The following SMPX variants were observed in gnomAD, a reference collection of about 807,000 sequenced individuals.
SMPX encodes small muscle protein X-linked, also known as small muscular protein.
Under a neutral mutation model 6.3 loss-of-function variants are expected in SMPX, and 2 were observed. That is an observed-to-expected ratio of 0.32 (90% CI 0.13 to 0.99). The LOEUF (loss-of-function observed/expected upper bound fraction) is 0.99. SMPX is among the 50% of genes least tolerant of loss of function. The pLI is 0.49. For synonymous variants in SMPX, 32 were observed against 24.7 expected, an observed-to-expected ratio of 1.30 and a Z score of -0.88; for missense variants, 60 against 66.8, an observed-to-expected ratio of 0.90 and a Z score of 0.36.
At chrX:21,716,359 A>C (rs2092785134) in intron 4 of SMPX, among the ~76,000 whole-genome samples, 1 of 111,878 alleles carries the variant, frequency 8.9e-6, no homozygotes, top group African/African-American at 3.3e-5. Flanking sequence ...GCAATCAACA[A>C]ATGTTTCCTG....
chrX:21,754,487 A>G (rs914142249), intron 1 of SMPX, among the ~76,000 whole-genome samples, 185 bp from the exon 2 acceptor site: 3 of 111,709 alleles, frequency 2.7e-5, no homozygotes, highest in African/African-American at 9.8e-5. Context: ...AGGGAACACT[A>G]GAGCACCAGG....
chrX:21,726,672 C>A (rs757633212), intron 4 of SMPX, among the ~76,000 whole-genome samples: 2 of 111,954 alleles, frequency 1.8e-5, no homozygotes, highest in Non-Finnish European at 3.8e-5. Context: ...TCTCAAGCCC[C>A]TGAATGCCAA....
chrX:21,733,884 C>T (rs2092807728), intron 4 of SMPX: 2 of 238,992 alleles, frequency 8.4e-6, no homozygotes, highest in Non-Finnish European at 1.6e-5. Context: ...ATTAACAATA[C>T]CCTGGACACT....
chrX:21,744,123 C>T (rs1460989334), intron 2 of SMPX, among the ~76,000 whole-genome samples: 3 of 111,870 alleles, frequency 2.7e-5, no homozygotes, highest in Non-Finnish European at 3.8e-5. Context: ...ACAGTTTGTT[C>T]TGGCTGTTGC....
chrX:21,714,207 T>G (rs1317545561), intron 4 of SMPX, among the ~76,000 whole-genome samples: 1 of 112,084 alleles, frequency 8.9e-6, no homozygotes, highest in African/African-American at 3.2e-5. Flanking sequence ...TAAGCAAAGA[T>G]AAACCACCTT....
chrX:21,718,725 C>G (rs1005668072), intron 4 of SMPX, among the ~76,000 whole-genome samples: 2 of 111,617 alleles, frequency 1.8e-5, no homozygotes, highest in South Asian at 3.8e-4. Context: ...TAAATAAAGC[C>G]CTGCTATAAA....
chrX:21,715,080 A>G (rs1207391445), intron 4 of SMPX, among the ~76,000 whole-genome samples: 2 of 111,675 alleles, frequency 1.8e-5, no homozygotes, highest in East Asian at 5.6e-4. Flanking sequence ...CATTCCAACT[A>G]TTATTTTAAA....
chrX:21,737,748 C>T (rs749474935), intron 3 of SMPX, 51 bp from the exon 4 acceptor site: 1 of 1,163,483 alleles, frequency 8.6e-7, no homozygotes, highest in South Asian at 1.8e-5. Flanking sequence ...CATTTGATCT[C>T]TTTGGGCCAT....
intron 4 of SMPX, among the ~76,000 whole-genome samples, chrX:21,715,067 A>C (rs1427122156): frequency 9.0e-6 from 1 of 111,627 alleles, no homozygotes; most frequent in Non-Finnish European, 1.9e-5. Context: ...TTTTCCTCTA[A>C]ATCATTCCAA....
At chrX:21,721,730 T>A (rs182070624) in intron 4 of SMPX, among the ~76,000 whole-genome samples, 3 of 112,294 alleles carry the variant, frequency 2.7e-5, no homozygotes, top group Admixed American at 9.4e-5. Flanking sequence ...GTATCCAGCG[T>A]TTTGCTGCTG....
intron 4 of SMPX, among the ~76,000 whole-genome samples, chrX:21,715,115 T>C (rs1158485921): frequency 8.9e-6 from 1 of 112,020 alleles, no homozygotes; most frequent in Non-Finnish European, 1.9e-5. Flanking sequence ...AAATCTTACC[T>C]TTTGAAGCTA....
intron 4 of SMPX, among the ~76,000 whole-genome samples, chrX:21,719,449 G>C (rs1185252913): frequency 1.8e-5 from 2 of 109,976 alleles, no homozygotes; most frequent in East Asian, 5.6e-4. Flanking sequence ...ACCCGGGAGG[G>C]GGCGGTTGCA....
chrX:21,731,424 CAT>C (rs1386071586), intron 4 of SMPX, among the ~76,000 whole-genome samples: 5 of 70,819 alleles, frequency 7.1e-5, no homozygotes, highest in Admixed American at 4.7e-4. Context: ...TATATACACA[CAT>C]ATATGTGTGT....
chrX:21,714,148 G>C (rs1471806983), intron 4 of SMPX, among the ~76,000 whole-genome samples: 7 of 111,703 alleles, frequency 6.3e-5, no homozygotes, highest in Non-Finnish European at 1.1e-4. Context: ...AGAGGAAAAG[G>C]GGGGAAAAGG....
chrX:21,721,160 A>T (rs1376775894), intron 4 of SMPX, among the ~76,000 whole-genome samples: 3 of 112,048 alleles, frequency 2.7e-5, no homozygotes, highest in Non-Finnish European at 5.6e-5. Flanking sequence ...ACTAAGTGAC[A>T]TTGATAGTCC....
chrX:21,731,428 T>TA (rs762279473), intron 4 of SMPX, among the ~76,000 whole-genome samples: 83 of 52,727 alleles, frequency 1.6e-3, no homozygotes, highest in African/African-American at 5.8e-3. Context: ...TACACACATA[T>TA]ATGTGTGTAT....
intron 4 of SMPX, among the ~76,000 whole-genome samples, chrX:21,710,761 A>C (rs1022878880): frequency 8.0e-5 from 9 of 111,910 alleles, no homozygotes; most frequent in Middle Eastern, 4.6e-3. Flanking sequence ...AAGCTGGGCC[A>C]GTGCTATCAA....
chrX:21,722,922 A>G (rs775511154), intron 4 of SMPX, among the ~76,000 whole-genome samples: 56 of 112,043 alleles, frequency 5.0e-4, no homozygotes, highest in Non-Finnish European at 9.6e-4. Context: ...GTGCCTGACC[A>G]TTGGAAGCAC....
intron 3 of SMPX, among the ~76,000 whole-genome samples, chrX:21,741,399 T>C (rs941537907): frequency 2.7e-5 from 3 of 112,019 alleles, no homozygotes; most frequent in Admixed American, 9.5e-5. Context: ...ATGATAATGA[T>C]AGTAAATGTG....
Sources: gnomAD v4.1 joint callset for allele counts (sites outside exome capture counted in the v4.1 genomes callset) on GRCh38, gnomAD v4.1.1 for gene constraint, MANE v1.5 for transcripts, NCBI Gene and HGNC (gene_info 2026-07-23, HGNC 2026-07-21) for gene names.